Variants in MARK4 observed in about 807,000 individuals in gnomAD.
MARK4 encodes the protein microtubule affinity regulating kinase 4.
A neutral mutation model predicts 81.5 loss-of-function variants in MARK4; 19 were observed. The observed-to-expected ratio is 0.23, with a 90% confidence interval of 0.16 to 0.34. The LOEUF (loss-of-function observed/expected upper bound fraction) is 0.34. MARK4 is among the 10% of genes least tolerant of loss of function. The probability of loss-of-function intolerance (pLI) is 1.00; values close to 1 mark genes in which losing one functional copy is unlikely to be tolerated. For synonymous variants in MARK4, 436 were observed against 439.0 expected (o/e 0.99, Z 0.08); for missense variants, 772 against 1,058.8 (o/e 0.73, Z 3.76).
At position 45,302,381 on chromosome 19, in the gene MARK4, C is replaced by T; in HGVS notation, c.1930C>T (p.Leu644=). 2 of 1,614,144 alleles carry T rather than the reference C, an allele frequency of 1.2e-6. No individual in the cohort carries two copies. The highest frequency in any genetic ancestry group is 1.7e-6 in the Non-Finnish European group (2 of 1,179,988). ...IGGPEVTSCH[L]PWDQTETAPR... is the part of the protein sequence containing the mutation. Reference sequence around the variant, plus strand: ...GACATCTTCTCGCCTCAGTTGCCATCTACCTTGGGATCAAACGGAAACCGC... The same window carrying T: ...GACATCTTCTCGCCTCAGTTGCCATTTACCTTGGGATCAAACGGAAACCGC... The change falls in exon 17 of 17, where the codon CTA becomes TTA. Residue 644 remains leucine, a synonymous_variant. Coordinates refer to ENST00000262891, the MANE Select transcript of MARK4 (RefSeq NM_001199867.2). The surrounding 1 kb of genome is among the most constrained non-coding windows in gnomAD (Gnocchi z 4.9).
chr19:45,286,151 G>A (rs568853589), intron 12 of MARK4, among the ~76,000 whole-genome samples: 2 of 152,184 alleles, frequency 1.3e-5, no homozygotes, highest in South Asian at 4.1e-4. Flanking sequence ...TGCCTCCCAG[G>A]TTCAAGCGAT....
rs376705519 is a variant in MARK4 at position 45,292,542 on chromosome 19, A to G, written c.1495-1807A>G. Reference sequence around the variant, plus strand: ...ATTGTTATTGCTAAACGAAACCCACACCTTAAGAAGGTAAAAAAGGAAAAG... The same window carrying G: ...ATTGTTATTGCTAAACGAAACCCACGCCTTAAGAAGGTAAAAAAGGAAAAG... On this transcript the variant is annotated intron_variant, in intron 13 of 16. Coordinates refer to ENST00000262891, the MANE Select transcript of MARK4 (RefSeq NM_001199867.2). Among the ~76,000 whole-genome samples the G allele has an allele frequency of 9.9e-5, 15 of 152,156 alleles. No homozygotes were observed. In the East Asian group the frequency reaches 2.7e-3, roughly 27 times the overall value.
intron 13 of MARK4, among the ~76,000 whole-genome samples, chr19:45,292,102 A>G (rs1290728368): frequency 4.6e-5 from 7 of 152,196 alleles, no homozygotes; most frequent in Non-Finnish European, 1.0e-4. Context: ...TGAGTTCCCA[A>G]GAACAGCAAA....
intron 9 of MARK4, 53 bp downstream of exon 9, chr19:45,278,095 A>C: frequency 1.2e-6 from 2 of 1,601,504 alleles, no homozygotes; most frequent in Non-Finnish European, 1.7e-6. Flanking sequence ...TGACTCCCCT[A>C]AACTCTGCCT....
At chr19:45,287,712 A>G in intron 13 of MARK4, 48 bp downstream of exon 13, 1 of 1,568,760 alleles carries the variant, frequency 6.4e-7, no homozygotes, top group Admixed American at 1.9e-5. Flanking sequence ...CACCTGGGCC[A>G]CATTCCTCAG....
At position 45,258,999 on chromosome 19, in the gene MARK4, T is replaced by G; in HGVS notation, c.62T>G (p.Leu21Trp). 1 of 1,612,582 alleles carries G rather than the reference T, an allele frequency of 6.2e-7. No individual in the cohort carries two copies. Among genetic ancestry groups the G allele is most frequent in the Non-Finnish European group, 8.5e-7 (1 of 1,179,862 alleles). Residue 21 changes from leucine (L) to tryptophan (W), a missense_variant, in exon 2 of 17, where the codon TTG becomes TGG. Around this residue, in one of 3 missense-constraint regions of MARK4, gnomAD observed 115 missense variants for 139.8 expected, o/e 0.82. Coordinates refer to ENST00000262891, the MANE Select transcript of MARK4 (RefSeq NM_001199867.2). ...NDRNSDTHGT[L>W]GSGRSSDKGP... ...ATCTCCCCCGCCCAGCATGGCACCT[T>G]GGGCAGTGGCCGCTCCTCGGACAAA...
intron 3 of MARK4, 38 bp downstream of exon 3, chr19:45,263,204 T>A: frequency 1.2e-6 from 2 of 1,612,806 alleles, no homozygotes; most frequent in Non-Finnish European, 1.7e-6. Context: ...GGAGCCAGGC[T>A]TCCGGCACAG....
At chr19:45,293,475 G>A (rs1970844905) in intron 13 of MARK4, among the ~76,000 whole-genome samples, 1 of 152,116 alleles carries the variant, frequency 6.6e-6, no homozygotes, top group Admixed American at 6.6e-5. Flanking sequence ...AAAACACACT[G>A]TATCAAAACT....
chr19:45,295,765 C>G (rs1970879152), intron 14 of MARK4, among the ~76,000 whole-genome samples: 1 of 151,732 alleles, frequency 6.6e-6, no homozygotes. Flanking sequence ...AGCCACACAG[C>G]AAGAATCCGT....
chr19:45,260,892 G>C (rs550584879), intron 2 of MARK4, among the ~76,000 whole-genome samples: 4 of 152,204 alleles, frequency 2.6e-5, no homozygotes, highest in African/African-American at 9.6e-5. Context: ...TTCCAGAGCA[G>C]GCATCTGTGC....
chr19:45,287,555 C>T lies in MARK4; in HGVS notation c.1385C>T (p.Ala462Val), dbSNP rs375594459. The T allele has an allele frequency of 4.0e-5, 64 of 1,590,682 alleles. No individual in the cohort carries two copies. Among genetic ancestry groups the T allele is most frequent in the East Asian group, 6.8e-5 (3 of 43,920 alleles). ...LPGRKASCST[A>V]GSGSRGLPPS... Reference sequence around the variant, plus strand: ...GGCCGGAAGGCGAGCTGCAGCACCGCGGGGAGTGGGAGTCGAGGGCTGCCC... The same window carrying T: ...GGCCGGAAGGCGAGCTGCAGCACCGTGGGGAGTGGGAGTCGAGGGCTGCCC... The change falls in exon 13 of 17, where the codon GCG becomes GTG. Residue 462 changes from alanine to valine, a missense_variant. Physicochemically the swap from Ala to Val is moderately conservative, Grantham distance 64 (BLOSUM62 0). This residue lies in a region of MARK4 where 548 missense variants were observed against 624.3 expected (regional missense o/e 0.88). Coordinates refer to ENST00000262891, the MANE Select transcript of MARK4 (RefSeq NM_001199867.2).
At chr19:45,291,246 G>A (rs997343166) in intron 13 of MARK4, among the ~76,000 whole-genome samples, 1 of 152,138 alleles carries the variant, frequency 6.6e-6, no homozygotes, top group Non-Finnish European at 1.5e-5. Context: ...CTGGAGGAGC[G>A]GACAATGGGT....
At chr19:45,294,533 G>A (rs1285130454) in intron 14 of MARK4, 81 bp downstream of exon 14, 10 of 1,232,726 alleles carry the variant, frequency 8.1e-6, no homozygotes, top group African/African-American at 4.5e-5. Flanking sequence ...GAGATGATAG[G>A]CATTGGAGGC....
chr19:45,300,370 AG>A (rs1970953089), intron 16 of MARK4, among the ~76,000 whole-genome samples: 1 of 134,110 alleles, frequency 7.5e-6, no homozygotes, highest in African/African-American at 2.9e-5. Context: ...AAAAAAAAAA[AG>A]CCTCATCCCA....
intron 14 of MARK4, among the ~76,000 whole-genome samples, chr19:45,295,990 C>T (rs550542176): frequency 7.2e-5 from 11 of 152,142 alleles, no homozygotes; most frequent in African/African-American, 2.7e-4. Flanking sequence ...TATTGCCTGG[C>T]TCAGTGCCCC....
At chr19:45,273,675 C>G (rs1157575684) in intron 8 of MARK4, among the ~76,000 whole-genome samples, 1 of 152,234 alleles carries the variant, frequency 6.6e-6, no homozygotes, top group Non-Finnish European at 1.5e-5. Flanking sequence ...GAACGTCCCT[C>G]AATTTGGGTT....
intron 12 of MARK4, among the ~76,000 whole-genome samples, chr19:45,283,569 G>A (rs1970704906): frequency 6.6e-6 from 1 of 152,100 alleles, no homozygotes; most frequent in Non-Finnish European, 1.5e-5. Context: ...CTTTCATTTA[G>A]CAGAAAGTTT....
chr19:45,298,239 C>T (rs776335960), intron 15 of MARK4: 5 of 1,613,448 alleles, frequency 3.1e-6, no homozygotes, highest in Non-Finnish European at 4.2e-6. Context: ...CCCGTCCATG[C>T]CCTGTTCTCG....
At position 45,300,865 on chromosome 19, in the gene MARK4, C is replaced by T. The variant is rs565586805; in HGVS notation, c.1922+1010C>T. Among the ~76,000 whole-genome samples the T allele has an allele frequency of 4.3e-4, 66 of 152,212 alleles. 2 individuals are homozygous for T. The South Asian group carries it at 0.013, about 31-fold the overall frequency. On this transcript the variant is annotated intron_variant, in intron 16 of 16. Transcript: ENST00000262891. ...GTCATGTGGTCACCCTTGACCCAAG[C>T]ACAGTGGCCGGGAAGTAGAATGCTA...
Sources: gnomAD v4.1 joint callset for allele counts (sites outside exome capture counted in the v4.1 genomes callset) on GRCh38, gnomAD v4.1.1 for gene constraint, gnomAD v4.1.1 regional missense constraint, Gnocchi (gnomAD v3.1) non-coding constraint, MANE v1.5 for transcripts, NCBI Gene and HGNC (gene_info 2026-07-23, HGNC 2026-07-21) for gene names.